UBE2E3: variants seen among roughly 807,000 people sequenced by gnomAD.
UBE2E3 encodes the protein ubiquitin-conjugating enzyme E2 E3.
UBE2E3 carries 5 observed loss-of-function variants against 23.6 expected under a neutral mutation model. That is an observed-to-expected ratio of 0.21 (90% confidence interval 0.11 to 0.44). UBE2E3 has a LOEUF of 0.44. Ranked by LOEUF, UBE2E3 falls within the 20% of genes least tolerant of loss-of-function variation. The pLI is 0.99. For synonymous variants in UBE2E3, 78 were observed against 87.5 expected, an observed-to-expected ratio of 0.89 and a Z score of 0.60; for missense variants, 81 against 249.8, an observed-to-expected ratio of 0.32 and a Z score of 4.55.
At chr2:181,039,123 C>CTTTTTTTTTTTTTTTTTTTT (rs11289425) in intron 3 of UBE2E3, among the ~76,000 whole-genome samples, 1 of 66,260 alleles carries the variant, frequency 1.5e-5, no homozygotes, top group Non-Finnish European at 2.8e-5. Flanking sequence ...AGAATGTGAC[C>CTTTTTTTTTTTTTTTTTTTT]TTTTTTTTTT....
chr2:181,032,837 T>C (rs2105649772), intron 3 of UBE2E3, among the ~76,000 whole-genome samples: 1 of 152,298 alleles, frequency 6.6e-6, no homozygotes, highest in East Asian at 1.9e-4. Context: ...CAGCAAAGTC[T>C]CAGGATACAA....
At chr2:181,017,957 C>CT (rs780639197) in intron 3 of UBE2E3, among the ~76,000 whole-genome samples, 8 of 151,528 alleles carry the variant, frequency 5.3e-5, no homozygotes, top group Non-Finnish European at 8.8e-5. Flanking sequence ...GAGCGTGACT[C>CT]TCTTTTTTCT....
At chr2:181,004,794 A>T (rs972039534) in intron 3 of UBE2E3, among the ~76,000 whole-genome samples, 1 of 152,170 alleles carries the variant, frequency 6.6e-6, no homozygotes, top group Non-Finnish European at 1.5e-5. Context: ...TGAAAAAAGT[A>T]ATATATATAT....
At chr2:181,036,279 G>A (rs773074810) in intron 3 of UBE2E3, among the ~76,000 whole-genome samples, 5 of 152,204 alleles carry the variant, frequency 3.3e-5, no homozygotes, top group Admixed American at 6.5e-5. Flanking sequence ...ATGGTCAGTT[G>A]ATTTTCAGCA....
At chr2:181,032,744 C>T (rs190931235) in intron 3 of UBE2E3, among the ~76,000 whole-genome samples, 1 of 152,302 alleles carries the variant, frequency 6.6e-6, no homozygotes, top group African/African-American at 2.4e-5. Context: ...TTCAGAACCA[C>T]TGCAATTTTT....
intron 3 of UBE2E3, among the ~76,000 whole-genome samples, chr2:181,027,433 A>G (rs1288756912): frequency 6.6e-6 from 1 of 151,976 alleles, no homozygotes; most frequent in African/African-American, 2.4e-5. Context: ...ATAAATTTGA[A>G]ATAGGAACTA....
At chr2:181,003,760 T>A (rs1054681365) in intron 3 of UBE2E3, among the ~76,000 whole-genome samples, 11 of 152,242 alleles carry the variant, frequency 7.2e-5, no homozygotes, top group Admixed American at 3.3e-4. Flanking sequence ...GATGAATTGT[T>A]ACAAGTATCA....
At chr2:181,037,130 A>G (rs1686317160) in intron 3 of UBE2E3, among the ~76,000 whole-genome samples, 2 of 152,242 alleles carry the variant, frequency 1.3e-5, no homozygotes, top group Admixed American at 6.5e-5. Flanking sequence ...TCATCGTAGC[A>G]TCGTCAGACA....
chr2:181,030,985 T>G (rs1345348530), intron 3 of UBE2E3, among the ~76,000 whole-genome samples: 2 of 152,188 alleles, frequency 1.3e-5, no homozygotes, highest in African/African-American at 4.8e-5. Context: ...TTTGTTACCT[T>G]TTCTATTTAC....
chr2:181,033,655 G>T (rs1053262107), intron 3 of UBE2E3, among the ~76,000 whole-genome samples: 102 of 152,230 alleles, frequency 6.7e-4, no homozygotes, highest in African/African-American at 2.3e-3. Context: ...AAAAGCAATG[G>T]CAACAAAAGC....
intron 3 of UBE2E3, among the ~76,000 whole-genome samples, chr2:181,003,538 T>C (rs1265936661): frequency 3.3e-5 from 5 of 152,228 alleles, no homozygotes; most frequent in Admixed American, 2.0e-4. Flanking sequence ...TAAATTAAGA[T>C]GTAGTTAGTT....
chr2:181,060,536 TA>T, intron 4 of UBE2E3, 128 bp from the exon 5 acceptor site: 1 of 1,012,384 alleles, frequency 9.9e-7, no homozygotes, highest in Non-Finnish European at 1.3e-6. Flanking sequence ...TTATTAAACC[TA>T]ATCTAAGTTT....
intron 3 of UBE2E3, chr2:180,987,333 C>G (rs1173305713): frequency 7.1e-6 from 11 of 1,549,684 alleles, no homozygotes; most frequent in Non-Finnish European, 9.6e-6. Flanking sequence ...CCATCTGTTT[C>G]CCAGAGGGTG....
At chr2:181,062,514 G>C (rs2105486252) in intron 5 of UBE2E3, among the ~76,000 whole-genome samples, 1 of 151,474 alleles carries the variant, frequency 6.6e-6, no homozygotes, top group African/African-American at 2.4e-5. Flanking sequence ...TTACAAAATA[G>C]TTTTTGTATA....
intron 3 of UBE2E3, among the ~76,000 whole-genome samples, chr2:181,036,883 G>T (rs149333097): frequency 2.8e-4 from 43 of 152,248 alleles, no homozygotes; most frequent in Admixed American, 5.9e-4. Context: ...ATGTCAATTA[G>T]CCTGTGGTTA....
intron 3 of UBE2E3, among the ~76,000 whole-genome samples, chr2:180,993,900 C>T (rs530131792): frequency 4.4e-4 from 67 of 152,052 alleles, no homozygotes; most frequent in Non-Finnish European, 8.5e-4. Context: ...TTATTCTTGC[C>T]TCATACTTGT....
intron 2 of UBE2E3, 106 bp downstream of exon 2, chr2:180,982,342 T>G: frequency 9.9e-7 from 1 of 1,005,274 alleles, no homozygotes; most frequent in Middle Eastern, 2.2e-4. Flanking sequence ...AAATATTTAC[T>G]TCATTATCAG....
intron 3 of UBE2E3, among the ~76,000 whole-genome samples, chr2:181,006,155 G>C (rs1214173026): frequency 6.6e-6 from 1 of 152,198 alleles, no homozygotes; most frequent in Non-Finnish European, 1.5e-5. Context: ...TAAGGAGGCA[G>C]AAGTCTGTAG....
chr2:181,049,826 C>G (rs902048412), intron 3 of UBE2E3, among the ~76,000 whole-genome samples: 1 of 151,936 alleles, frequency 6.6e-6, no homozygotes, highest in Non-Finnish European at 1.5e-5. Flanking sequence ...GTATATAGCA[C>G]GCACACCCAG....
Sources: allele counts gnomAD v4.1 joint callset (sites outside exome capture counted in the v4.1 genomes callset), GRCh38; gene constraint gnomAD v4.1.1; transcripts MANE v1.5; gene names NCBI Gene and HGNC (gene_info 2026-07-23, HGNC 2026-07-21).